The following SLC24A2 variants were observed in gnomAD, a reference collection of about 807,000 sequenced individuals.
The protein encoded by SLC24A2 is sodium/potassium/calcium exchanger 2.
A neutral mutation model predicts 62.0 loss-of-function variants in SLC24A2; 36 were observed. The observed-to-expected ratio is 0.58, with a 90% confidence interval of 0.44 to 0.77. The LOEUF (loss-of-function observed/expected upper bound fraction) is 0.77. SLC24A2 is among the 30% of genes least tolerant of loss of function. The pLI is 0.00. For synonymous variants in SLC24A2, 358 were observed against 294.0 expected (o/e 1.22, Z -2.23); for missense variants, 846 against 817.9 (o/e 1.03, Z -0.42).
At chr9:20,179,298 G>C in the SLC24A2 span, among the ~76,000 whole-genome samples, 1 of 152,110 alleles carries the variant, frequency 6.6e-6, no homozygotes, top group Non-Finnish European at 1.5e-5. Context: ...TTCTGAGGTA[G>C]TGCACACCAT....
chr9:19,743,737 CTGTTTA>C, intron 2 of SLC24A2, among the ~76,000 whole-genome samples: 1 of 152,072 alleles, frequency 6.6e-6, no homozygotes, highest in East Asian at 1.9e-4. Flanking sequence ...TCCTAGGGTT[CTGTTTA>C]TCCTGAGGCA....
chr9:19,902,804 T>C, the SLC24A2 span, among the ~76,000 whole-genome samples: 1 of 152,270 alleles, frequency 6.6e-6, no homozygotes, highest in African/African-American at 2.4e-5. Flanking sequence ...AAGGAAGAAA[T>C]TGGTTACATG....
intron 8 of SLC24A2, among the ~76,000 whole-genome samples, chr9:19,531,575 A>G (rs1833709075): frequency 6.6e-6 from 1 of 152,168 alleles, no homozygotes; most frequent in African/African-American, 2.4e-5. Flanking sequence ...GGCTTGGAAA[A>G]AGATGCTGGA....
chr9:19,576,950 C>T lies in SLC24A2; in HGVS notation c.1202G>A (p.Arg401Lys), dbSNP rs757235686. 19 of 1,613,914 alleles carry T rather than the reference C, an allele frequency of 1.2e-5. No individual in the cohort carries two copies. Among genetic ancestry groups the T allele is most frequent in the Middle Eastern group, 1.6e-4 (1 of 6,084 alleles). Residue 401 changes from arginine to lysine, a missense_variant, in exon 6 of 11, where the codon AGG becomes AAG. Arg to Lys is a conservative substitution (Grantham distance 26, BLOSUM62 2). Transcript: ENST00000341998. Reference protein sequence around the residue: ...KKKCHVDENERQNGAANHVEK... With the variant: ...KKKCHVDENEKQNGAANHVEK... Reference sequence around the variant, plus strand: ...CACGTGGTTGGCAGCCCCATTCTGCCTCTCGTTCTCATCCACATGACATTT... The same window carrying T: ...CACGTGGTTGGCAGCCCCATTCTGCTTCTCGTTCTCATCCACATGACATTT...
At chr9:20,228,150 A>T in the SLC24A2 span, among the ~76,000 whole-genome samples, 2 of 152,146 alleles carry the variant, frequency 1.3e-5, no homozygotes, top group Admixed American at 1.3e-4. Flanking sequence ...CTAAATTTCA[A>T]ATATTATTTT....
the SLC24A2 span, among the ~76,000 whole-genome samples, chr9:19,829,465 G>C: frequency 2.0e-5 from 3 of 152,096 alleles, no homozygotes; most frequent in Admixed American, 6.6e-5. Flanking sequence ...ACATGGTTTG[G>C]CCAATGCCTT....
At chr9:19,897,666 T>C in the SLC24A2 span, among the ~76,000 whole-genome samples, 1 of 152,232 alleles carries the variant, frequency 6.6e-6, no homozygotes. Context: ...GGGTCTATTA[T>C]GTTCACAACA....
At chr9:19,893,174 G>GAGT in the SLC24A2 span, among the ~76,000 whole-genome samples, 4 of 152,170 alleles carry the variant, frequency 2.6e-5, no homozygotes, top group Admixed American at 6.5e-5. Context: ...GTAGGGCAGG[G>GAGT]AGTATTATCT....
chr9:19,897,878 T>G, the SLC24A2 span, among the ~76,000 whole-genome samples: 2 of 152,230 alleles, frequency 1.3e-5, no homozygotes, highest in Admixed American at 6.5e-5. Flanking sequence ...CAGGCTGCTT[T>G]GAACAGAATT....
chr9:19,748,457 A>C (rs1281199810), intron 2 of SLC24A2, among the ~76,000 whole-genome samples: 2 of 152,124 alleles, frequency 1.3e-5, no homozygotes, highest in Non-Finnish European at 2.9e-5. Context: ...TGGTGGAAGA[A>C]ATTGTTGAGT....
At chr9:20,022,569 T>C in the SLC24A2 span, among the ~76,000 whole-genome samples, 1 of 152,182 alleles carries the variant, frequency 6.6e-6, no homozygotes, top group Non-Finnish European at 1.5e-5. Flanking sequence ...TGCAGTGTTG[T>C]CCCTCGTCCA....
the SLC24A2 span, among the ~76,000 whole-genome samples, chr9:19,868,368 T>C: frequency 6.6e-6 from 1 of 152,218 alleles, no homozygotes; most frequent in Admixed American, 6.5e-5. Context: ...TGTAAATGTA[T>C]TGAGATTTGT....
chr9:20,216,929 A>G, the SLC24A2 span, among the ~76,000 whole-genome samples: 1 of 152,168 alleles, frequency 6.6e-6, no homozygotes, highest in Non-Finnish European at 1.5e-5. Context: ...TGGAGGGTTC[A>G]GGCATATAAG....
the SLC24A2 span, among the ~76,000 whole-genome samples, chr9:19,870,508 C>G: frequency 6.6e-6 from 1 of 152,052 alleles, no homozygotes; most frequent in Admixed American, 6.6e-5. Flanking sequence ...GTTTTCATTT[C>G]TCTTGGGTAT....
At chr9:19,996,500 G>A in the SLC24A2 span, among the ~76,000 whole-genome samples, 1 of 152,110 alleles carries the variant, frequency 6.6e-6, no homozygotes, top group Admixed American at 6.6e-5. Flanking sequence ...CACACTTTGG[G>A]AGGCTGAGGT....
At chr9:19,911,718 C>T in the SLC24A2 span, among the ~76,000 whole-genome samples, 1 of 152,154 alleles carries the variant, frequency 6.6e-6, no homozygotes, top group African/African-American at 2.4e-5. Flanking sequence ...ACATTAATGG[C>T]TCTATCTTAG....
At chr9:20,123,207 A>G in the SLC24A2 span, among the ~76,000 whole-genome samples, 3 of 152,132 alleles carry the variant, frequency 2.0e-5, no homozygotes, top group Non-Finnish European at 4.4e-5. Context: ...GGAAACTATA[A>G]GCTAGCTCTG....
chr9:20,260,820 A>G, the SLC24A2 span, among the ~76,000 whole-genome samples: 1 of 140,160 alleles, frequency 7.1e-6, no homozygotes, highest in East Asian at 2.3e-4. Flanking sequence ...CTTTCCTCCG[A>G]GTCCCCAAAG....
chr9:20,104,157 T>C, the SLC24A2 span, among the ~76,000 whole-genome samples: 1 of 151,904 alleles, frequency 6.6e-6, no homozygotes, highest in Non-Finnish European at 1.5e-5. Flanking sequence ...GAAAAAATAA[T>C]AAAAAGAAAT....
Sources: allele counts gnomAD v4.1 joint callset (sites outside exome capture counted in the v4.1 genomes callset), GRCh38; gene constraint gnomAD v4.1.1; transcripts MANE v1.5; gene names NCBI Gene and HGNC (gene_info 2026-07-23, HGNC 2026-07-21).